GOLPH3: variants seen among roughly 807,000 people sequenced by gnomAD.
The protein encoded by GOLPH3 is coat protein GPP34.
A neutral mutation model predicts 28.5 loss-of-function variants in GOLPH3; 14 were observed. The observed-to-expected ratio is 0.49, with a 90% CI of 0.32 to 0.77. The LOEUF (loss-of-function observed/expected upper bound fraction) is 0.77. Among genes scored for constraint, GOLPH3 ranks in the 30% least tolerant of loss-of-function variants. The pLI is 0.03. For missense variants in GOLPH3, 350 were observed against 393.7 expected (o/e 0.89, Z 0.94); for synonymous variants, 158 against 159.2 (o/e 0.99, Z 0.06).
chr5:32,129,120 T>G (rs1291039544), intron 3 of GOLPH3, among the ~76,000 whole-genome samples: 1 of 152,124 alleles, frequency 6.6e-6, no homozygotes. Flanking sequence ...AGGCGGAGGT[T>G]GCAGTGAGCC....
chr5:32,149,109 T>C (rs1342238775), intron 1 of GOLPH3, among the ~76,000 whole-genome samples: 2 of 152,246 alleles, frequency 1.3e-5, no homozygotes, highest in Admixed American at 6.5e-5. Context: ...ACTGGAGCTG[T>C]ACTGGCTGTG....
chr5:32,151,988 G>A (rs1010357224), intron 1 of GOLPH3, among the ~76,000 whole-genome samples: 2 of 152,210 alleles, frequency 1.3e-5, no homozygotes, highest in South Asian at 2.1e-4. Flanking sequence ...TTAATGGATA[G>A]AGTTTCGGTA....
intron 1 of GOLPH3, among the ~76,000 whole-genome samples, chr5:32,170,087 A>G (rs748040501): frequency 9.8e-5 from 15 of 152,348 alleles, no homozygotes; most frequent in Admixed American, 5.9e-4. Flanking sequence ...TTGACTCAGA[A>G]TATGTCAAAG....
chr5:32,155,356 T>C lies in GOLPH3; in HGVS notation c.226-11476A>G, dbSNP rs111276911. On this transcript the variant is annotated intron_variant, in intron 1 of 3. Transcript: ENST00000265070. ...AGGCACCAGCACACTCGGCTTTTTATTTTTATTTTTTTAGCAATGGGATCT... is the reference window on the plus strand; with the variant it reads ...AGGCACCAGCACACTCGGCTTTTTACTTTTATTTTTTTAGCAATGGGATCT... 9.8e-3 allele frequency among the ~76,000 whole-genome samples: 1,498 copies of C among 152,152 alleles called. 25 individuals are homozygous for C. Among genetic ancestry groups the C allele is most frequent in the African/African-American group, 0.035 (1,457 of 41,518 alleles).
At chr5:32,158,150 C>T (rs1263782250) in intron 1 of GOLPH3, among the ~76,000 whole-genome samples, 2 of 150,376 alleles carry the variant, frequency 1.3e-5, no homozygotes, top group African/African-American at 2.5e-5. Context: ...CACACACACA[C>T]ACACACACAC....
At chr5:32,145,168 G>C (rs1225241637) in intron 1 of GOLPH3, among the ~76,000 whole-genome samples, 6 of 152,186 alleles carry the variant, frequency 3.9e-5, no homozygotes, top group Non-Finnish European at 5.9e-5. Context: ...TTGATACAAG[G>C]AGTTAAATTC....
At chr5:32,127,285 C>CT (rs1485937298) in intron 3 of GOLPH3, among the ~76,000 whole-genome samples, 4 of 152,210 alleles carry the variant, frequency 2.6e-5, no homozygotes, top group African/African-American at 9.6e-5. Flanking sequence ...AAATATTAAT[C>CT]TTACTTATCT....
intron 2 of GOLPH3, among the ~76,000 whole-genome samples, chr5:32,136,251 G>A (rs552837633): frequency 5.9e-5 from 9 of 152,160 alleles, no homozygotes; most frequent in Non-Finnish European, 8.8e-5. Context: ...AGGCCGAGGC[G>A]GGTGGATCAC....
At chr5:32,147,478 A>G (rs1179257683) in intron 1 of GOLPH3, among the ~76,000 whole-genome samples, 1 of 152,114 alleles carries the variant, frequency 6.6e-6, no homozygotes, top group South Asian at 2.1e-4. Context: ...AGGTTATTAC[A>G]AAACATGAAA....
intron 1 of GOLPH3, among the ~76,000 whole-genome samples, chr5:32,162,129 A>G (rs1746596692): frequency 6.6e-6 from 1 of 151,620 alleles, no homozygotes; most frequent in Middle Eastern, 3.4e-3. Context: ...CAGGAATTAC[A>G]AAAAGGAAAC....
chr5:32,154,285 T>C (rs1176128342), intron 1 of GOLPH3, among the ~76,000 whole-genome samples: 1 of 152,208 alleles, frequency 6.6e-6, no homozygotes, highest in Non-Finnish European at 1.5e-5. Flanking sequence ...GTGCATAAAA[T>C]GCACAGGATT....
At chr5:32,144,973 G>A (rs976337301) in intron 1 of GOLPH3, among the ~76,000 whole-genome samples, 1 of 152,168 alleles carries the variant, frequency 6.6e-6, no homozygotes, top group African/African-American at 2.4e-5. Context: ...TCAGAACAGG[G>A]TAACACAATT....
At chr5:32,153,274 G>A (rs149473571) in intron 1 of GOLPH3, among the ~76,000 whole-genome samples, 15 of 152,184 alleles carry the variant, frequency 9.9e-5, no homozygotes, top group African/African-American at 3.6e-4. Context: ...ATGAATATAC[G>A]TATAGTTTTG....
At position 32,162,022 on chromosome 5, in the gene GOLPH3, G is replaced by A. The variant is rs1300789052; in HGVS notation, c.225+11788C>T. 1.8e-4 allele frequency among the ~76,000 whole-genome samples: 27 copies of A among 150,768 alleles called. 1 individual carries two copies. Among genetic ancestry groups the A allele is most frequent in the Admixed American group, 1.3e-3 (19 of 15,172 alleles). ...AGCCTGGGCGACAGAGCGAGACTCC[G>A]TCTCAAAAAAGAAAAATAAATAAAT... On this transcript the variant is annotated intron_variant, in intron 1 of 3. Coordinates refer to ENST00000265070, the MANE Select transcript of GOLPH3 (RefSeq NM_022130.4).
At chr5:32,137,079 C>G (rs1396990872) in intron 2 of GOLPH3, among the ~76,000 whole-genome samples, 1 of 151,990 alleles carries the variant, frequency 6.6e-6, no homozygotes, top group Non-Finnish European at 1.5e-5. Context: ...CCTGCCTCAG[C>G]CTTCCAAGTA....
intron 1 of GOLPH3, among the ~76,000 whole-genome samples, chr5:32,163,677 T>TA (rs1015271021): frequency 5.2e-4 from 15 of 28,722 alleles, no homozygotes; most frequent in African/African-American, 1.3e-3. Context: ...TATATATATA[T>TA]TTTTTTTCTT....
At chr5:32,142,441 C>T (rs1467403462) in intron 2 of GOLPH3, among the ~76,000 whole-genome samples, 72 of 149,008 alleles carry the variant, frequency 4.8e-4, no homozygotes, top group African/African-American at 1.7e-3. Context: ...GGAGCGTCTC[C>T]GCCCGGCAGC....
intron 1 of GOLPH3, among the ~76,000 whole-genome samples, chr5:32,148,582 T>G (rs527525539): frequency 5.8e-4 from 89 of 152,160 alleles, no homozygotes; most frequent in Middle Eastern, 6.8e-3. Flanking sequence ...CAGATCACGA[T>G]GTCAGGAGAT....
intron 3 of GOLPH3, 78 bp from the exon 4 acceptor site, chr5:32,126,714 T>A: frequency 9.1e-7 from 1 of 1,098,816 alleles, no homozygotes; most frequent in Non-Finnish European, 1.3e-6. Context: ...TATTAAACAG[T>A]AAAATCTGAT....
Sources: gnomAD v4.1 joint callset for allele counts (sites outside exome capture counted in the v4.1 genomes callset) on GRCh38, gnomAD v4.1.1 for gene constraint, MANE v1.5 for transcripts, NCBI Gene and HGNC (gene_info 2026-07-23, HGNC 2026-07-21) for gene names.